MAPKBP1: variants seen among roughly 807,000 people sequenced by gnomAD.
MAPKBP1 encodes mitogen-activated protein kinase-binding protein 1.
In MAPKBP1, 71 loss-of-function variants were observed where a neutral mutation model predicts 170.5. The observed-to-expected ratio is 0.42, with a 90% CI of 0.34 to 0.51. The LOEUF (loss-of-function observed/expected upper bound fraction) is 0.51, where lower values mean the gene tolerates loss of function less well. MAPKBP1 is among the 20% of genes least tolerant of loss of function. The probability of loss-of-function intolerance (pLI) is 0.06; values close to 1 mark genes in which losing one functional copy is unlikely to be tolerated. For missense variants in MAPKBP1, 1,598 were observed against 1,933.0 expected, an observed-to-expected ratio of 0.83 and a Z score of 3.25; for synonymous variants, 719 against 757.9, an observed-to-expected ratio of 0.95 and a Z score of 0.84.
chr15:41,825,086 G>A, intron 30 of MAPKBP1, 123 bp from the exon 31 acceptor site: 1 of 692,514 alleles, frequency 1.4e-6, no homozygotes, highest in Non-Finnish European at 2.4e-6. Flanking sequence ...CATACATGCT[G>A]ATCTTGGCGG....
intron 2 of MAPKBP1, among the ~76,000 whole-genome samples, chr15:41,795,022 G>A (rs988604871): frequency 1.3e-5 from 2 of 151,972 alleles, no homozygotes; most frequent in East Asian, 1.9e-4. Context: ...AAAATTAGCC[G>A]GGCATGATGG....
chr15:41,814,448 A>T, intron 9 of MAPKBP1, 102 bp from the exon 10 acceptor site: 2 of 1,147,418 alleles, frequency 1.7e-6, no homozygotes, highest in African/African-American at 1.6e-5. Flanking sequence ...CCAAACCTGC[A>T]GGTCCAGGGA....
At chr15:41,786,232 G>A (rs1431913981) in intron 2 of MAPKBP1, among the ~76,000 whole-genome samples, 1 of 151,892 alleles carries the variant, frequency 6.6e-6, no homozygotes, top group African/African-American at 2.4e-5. Flanking sequence ...TGTTAATATT[G>A]GTTATCTCAG....
chr15:41,807,406 G>A (rs1285161974), intron 3 of MAPKBP1, among the ~76,000 whole-genome samples: 1 of 152,214 alleles, frequency 6.6e-6, no homozygotes, highest in African/African-American at 2.4e-5. Context: ...AGAATTAAGG[G>A]AAAACTCATA....
chr15:41,774,834 G>T, intron 1 of MAPKBP1: 1 of 401,378 alleles, frequency 2.5e-6, no homozygotes, highest in Non-Finnish European at 4.4e-6. Flanking sequence ...ATCCCTGGTG[G>T]TCTCGGCGGC....
intron 2 of MAPKBP1, among the ~76,000 whole-genome samples, chr15:41,781,299 C>G (rs2064183011): frequency 6.6e-6 from 1 of 152,148 alleles, no homozygotes; most frequent in African/African-American, 2.4e-5. Context: ...TGGTCTCGAA[C>G]TCCTGACCTC....
intron 2 of MAPKBP1, among the ~76,000 whole-genome samples, chr15:41,791,917 T>C (rs972288339): frequency 6.6e-6 from 1 of 151,868 alleles, no homozygotes; most frequent in Non-Finnish European, 1.5e-5. Flanking sequence ...TAGCCAGGTG[T>C]GGTGGCGCAT....
Position 41,813,039 on chromosome 15 carries a change from T to A in MAPKBP1, c.757T>A (p.Ser253Thr). The A allele has an allele frequency of 6.2e-7, 1 of 1,613,804 alleles. No individual in the cohort carries two copies. The highest frequency in any genetic ancestry group is 1.6e-4 in the Middle Eastern group (1 of 6,062). Residue 253 changes from serine to threonine, a missense_variant, in exon 8 of 31, where the codon TCC (serine) becomes ACC (threonine). Coordinates refer to ENST00000457542, the MANE Select transcript of MAPKBP1 (RefSeq NM_014994.3). The stretch of plus-strand genomic sequence containing the variant: ...GGCGGACAGTACCTTCTGCATCACG[T>A]CCTCAGGGCTGCTGTGCGAGTTCAG... Reference protein sequence around the residue: ...KKADSTFCITSSGLLCEFSDR... With the variant: ...KKADSTFCITTSGLLCEFSDR...
rs2152081724 is a variant in MAPKBP1 at position 41,817,956 on chromosome 15, G to T, written c.1905-53G>T. 1 of 1,583,510 alleles carries T rather than the reference G, an allele frequency of 6.3e-7. No homozygotes were observed. Among genetic ancestry groups the T allele is most frequent in the South Asian group, 1.1e-5 (1 of 90,246 alleles). ...GAAAGCTGGCATTTCCATCCCCCAG[G>T]CGTGTTCCACCTTCACCGCCTCCTC... is the stretch of plus-strand genomic sequence containing the variant. On this transcript the variant is annotated intron_variant, in intron 16 of 30. Coordinates refer to ENST00000457542, the MANE Select transcript of MAPKBP1 (RefSeq NM_014994.3). This position sits in a 1 kb window ranked among gnomAD's most constrained non-coding sequence, Gnocchi z 4.2.
chr15:41,794,165 G>A (rs1025916121), intron 2 of MAPKBP1, among the ~76,000 whole-genome samples: 1 of 152,130 alleles, frequency 6.6e-6, no homozygotes, highest in African/African-American at 2.4e-5. Context: ...CCTGGAGGCA[G>A]AGATTGCAGT....
chr15:41,821,693 C>T lies in MAPKBP1; in HGVS notation c.2828C>T (p.Pro943Leu). 1 of 1,614,150 alleles carries T rather than the reference C, an allele frequency of 6.2e-7. No homozygotes were observed. ...TTTGCCCAAGATCTGGAACCTGCAC[C>T]CATTGAAGATGGTATTGTCTACCCG... ...GVFAQDLEPA[P>L]IEDGIVYPEP... The change falls in exon 24 of 31, where the codon CCC becomes CTC. Residue 943 changes from proline (P) to leucine (L), a missense_variant. Coordinates refer to ENST00000457542, the MANE Select transcript of MAPKBP1 (RefSeq NM_014994.3).
At chr15:41,804,592 C>T (rs1382286977) in intron 3 of MAPKBP1, among the ~76,000 whole-genome samples, 1 of 152,190 alleles carries the variant, frequency 6.6e-6, no homozygotes, top group East Asian at 1.9e-4. Flanking sequence ...TGGAGTCCTG[C>T]CCGCTTTCTT....
At chr15:41,811,008 T>G (rs2064795383) in intron 4 of MAPKBP1, 63 bp downstream of exon 4, 3 of 1,593,020 alleles carry the variant, frequency 1.9e-6, no homozygotes, top group Non-Finnish European at 2.6e-6. Flanking sequence ...GGGCACTGTC[T>G]AGAGTCTCTA....
At position 41,823,897 on chromosome 15, in the gene MAPKBP1, G is replaced by A. The variant is rs1436373344; in HGVS notation, c.4049G>A (p.Arg1350Lys). Residue 1350 changes from arginine (R) to lysine (K), a missense_variant, in exon 29 of 31, where the codon AGG (arginine) becomes AAG (lysine). Physicochemically the swap from Arg to Lys is conservative, Grantham distance 26. Transcript: ENST00000457542. Reference sequence around the variant, plus strand: ...GGGGAGGGCACCACTCCCAAGCCTAGGACAGAGTGCCAGGCTCATCCTGGG... The same window carrying A: ...GGGGAGGGCACCACTCCCAAGCCTAAGACAGAGTGCCAGGCTCATCCTGGG... ...CLGEGTTPKPRTECQAHPGPS... is the reference protein window; with the variant it reads ...CLGEGTTPKPKTECQAHPGPS... 8 of 1,614,062 alleles carry A rather than the reference G, an allele frequency of 5.0e-6. No individual in the cohort carries two copies. The highest frequency in any genetic ancestry group is 3.3e-5 in the Admixed American group (2 of 59,994).
chr15:41,776,812 A>G (rs1455181828), intron 2 of MAPKBP1, among the ~76,000 whole-genome samples: 3 of 152,198 alleles, frequency 2.0e-5, no homozygotes, highest in Non-Finnish European at 4.4e-5. Context: ...TATAGTTGCC[A>G]TTCTTTAAGA....
At position 41,822,242 on chromosome 15, in the gene MAPKBP1, C is replaced by G. The variant is rs930386067; in HGVS notation, c.3049C>G (p.Pro1017Ala). ...HPTEDSESTE[P>A]LSVDGISSDL... Reference sequence around the variant, plus strand: ...ACACCCAGACTCTGAGAGCACGGAGCCCCTCAGTGTGGATGGCATCTCCTC... The same window carrying G: ...ACACCCAGACTCTGAGAGCACGGAGGCCCTCAGTGTGGATGGCATCTCCTC... The change falls in exon 26 of 31, where the codon CCC (proline) becomes GCC (alanine). Residue 1017 changes from proline to alanine, a missense_variant. This residue lies in a region of MAPKBP1 where 942 missense variants were observed against 953.2 expected (regional missense o/e 0.99). Coordinates refer to ENST00000457542, the MANE Select transcript of MAPKBP1 (RefSeq NM_014994.3). 3.7e-6 allele frequency: 6 copies of G among 1,613,070 alleles called. No individual in the cohort carries two copies. Among genetic ancestry groups the G allele is most frequent in the Non-Finnish European group, 5.1e-6 (6 of 1,179,452 alleles).
intron 2 of MAPKBP1, among the ~76,000 whole-genome samples, chr15:41,777,099 T>G (rs1453112050): frequency 6.6e-6 from 1 of 151,860 alleles, no homozygotes; most frequent in Admixed American, 6.6e-5. Flanking sequence ...TCCCAGCACT[T>G]TGGGAGGCCA....
At chr15:41,808,532 A>G (rs918239974) in intron 3 of MAPKBP1, among the ~76,000 whole-genome samples, 26 of 150,440 alleles carry the variant, frequency 1.7e-4, no homozygotes, top group African/African-American at 6.4e-4. Context: ...CTGGACTGCA[A>G]TGGCATGATC....
At position 41,820,849 on chromosome 15, in the gene MAPKBP1, G is replaced by A. The variant is rs2064983159; in HGVS notation, c.2499G>A (p.Gly833=). ...WEMSRAQESV[G]FLDPAPAANP... ...CCCACCAGGCACAGGAGTCCGTGGG[G>A]TTCCTGGACCCAGCTCCTGCAGCCA... The change falls in exon 23 of 31, where the codon GGG becomes GGA. Residue 833 remains glycine, a synonymous_variant. Coordinates refer to ENST00000457542, the MANE Select transcript of MAPKBP1 (RefSeq NM_014994.3). 1.2e-6 allele frequency: 2 copies of A among 1,613,778 alleles called. No homozygotes were observed. Among genetic ancestry groups the A allele is most frequent in the Non-Finnish European group, 1.7e-6 (2 of 1,179,900 alleles).
Sources: allele counts gnomAD v4.1 joint callset (sites outside exome capture counted in the v4.1 genomes callset), GRCh38; gene constraint gnomAD v4.1.1; regional missense constraint gnomAD v4.1.1; non-coding constraint Gnocchi (gnomAD v3.1); transcripts MANE v1.5; gene names NCBI Gene and HGNC (gene_info 2026-07-23, HGNC 2026-07-21).